CLRN1: variants seen among roughly 807,000 people sequenced by gnomAD.
CLRN1 encodes clarin 1, also known as clarin-1.
CLRN1 carries 15 observed loss-of-function variants against 18.7 expected under a neutral mutation model. That is an observed-to-expected ratio of 0.80 (90% CI 0.54 to 1.23). CLRN1 has a LOEUF of 1.23. Ranked by LOEUF, CLRN1 falls within the 50% of genes most tolerant of loss-of-function variation. The probability of loss-of-function intolerance (pLI) is 0.00; values close to 1 mark genes in which losing one functional copy is unlikely to be tolerated. For missense variants in CLRN1, 311 were observed against 277.5 expected (o/e 1.12, Z -0.86); for synonymous variants, 104 against 102.9 (o/e 1.01, Z -0.07).
chr3:150,947,222 G>GA (rs1381220202), intron 1 of CLRN1, among the ~76,000 whole-genome samples: 49 of 151,664 alleles, frequency 3.2e-4, no homozygotes, highest in African/African-American at 1.1e-3. Flanking sequence ...AATCTACCAA[G>GA]CAAACAGAAA....
intron 2 of CLRN1, among the ~76,000 whole-genome samples, chr3:150,936,991 T>A (rs956694480): frequency 6.6e-6 from 1 of 152,218 alleles, no homozygotes; most frequent in Non-Finnish European, 1.5e-5. Context: ...GCCAGATCTC[T>A]GCTATCTTTC....
intron 2 of CLRN1, among the ~76,000 whole-genome samples, chr3:150,941,178 C>CTATAT (rs140412500): frequency 7.5e-6 from 1 of 132,884 alleles, no homozygotes; most frequent in East Asian, 2.2e-4. Context: ...CTATCTCTTT[C>CTATAT]ATATATATAT....
At position 150,926,797 on chromosome 3, in the gene CLRN1, T is replaced by G; in HGVS notation, c.*1139A>C. 6.2e-7 allele frequency: 1 copy of G among 1,614,062 alleles called. No individual in the cohort carries two copies. Among genetic ancestry groups the G allele is most frequent in the East Asian group, 2.2e-5 (1 of 44,878 alleles). ...TTTGCTGTCATTCTCTGCTTTTTCC[T>G]TGGTGCTTTCTGGAGGACAGCAGGT... On this transcript the variant is annotated 3_prime_UTR_variant, in exon 3 of 3. Coordinates refer to ENST00000327047, the MANE Select transcript of CLRN1 (RefSeq NM_174878.3).
intron 1 of CLRN1, among the ~76,000 whole-genome samples, chr3:150,971,043 C>T (rs190717131): frequency 2.6e-5 from 4 of 152,340 alleles, no homozygotes; most frequent in East Asian, 3.9e-4. Flanking sequence ...AGAAAATTCA[C>T]CAGTACCTTC....
At chr3:150,965,526 A>G (rs942789381) in intron 1 of CLRN1, among the ~76,000 whole-genome samples, 7 of 152,166 alleles carry the variant, frequency 4.6e-5, no homozygotes, top group African/African-American at 1.7e-4. Context: ...AGACCCACCC[A>G]ATATTTTTTT....
At chr3:150,938,286 G>A (rs888007427) in intron 2 of CLRN1, among the ~76,000 whole-genome samples, 6 of 152,184 alleles carry the variant, frequency 3.9e-5, no homozygotes, top group East Asian at 1.9e-4. Flanking sequence ...AATGTGACTC[G>A]TACGTGAAAT....
At chr3:150,951,760 C>T (rs574968685) in intron 1 of CLRN1, among the ~76,000 whole-genome samples, 23 of 152,190 alleles carry the variant, frequency 1.5e-4, no homozygotes, top group Non-Finnish European at 2.9e-4. Flanking sequence ...GAAGGCAAAG[C>T]GGGAGCCAAC....
At chr3:150,941,856 A>G (rs1713866749) in intron 1 of CLRN1, 95 bp from the exon 2 acceptor site, 1 of 1,125,430 alleles carries the variant, frequency 8.9e-7, no homozygotes, top group Non-Finnish European at 1.3e-6. Context: ...TTTAATTTCA[A>G]ACATCACTAA....
chr3:150,933,913 T>C (rs1185804144), intron 2 of CLRN1, among the ~76,000 whole-genome samples: 2 of 152,202 alleles, frequency 1.3e-5, no homozygotes, highest in African/African-American at 4.8e-5. Flanking sequence ...ACTTCTCTTT[T>C]CCTTCTGTGG....
chr3:150,938,836 T>A (rs16863090), intron 2 of CLRN1, among the ~76,000 whole-genome samples: 32,328 of 152,172 alleles, frequency 0.21, 4,134 homozygotes, highest in East Asian at 0.4. Context: ...TCCTGATCAT[T>A]CCTGCATATA....
At chr3:150,943,643 TG>T (rs1713986432) in intron 1 of CLRN1, among the ~76,000 whole-genome samples, 1 of 152,234 alleles carries the variant, frequency 6.6e-6, no homozygotes. Flanking sequence ...GCACAAATTG[TG>T]GGTACCCAAA....
intron 1 of CLRN1, among the ~76,000 whole-genome samples, chr3:150,961,463 C>G: frequency 6.6e-6 from 1 of 152,280 alleles, no homozygotes; most frequent in East Asian, 1.9e-4. Flanking sequence ...GTTTCATCAA[C>G]CTTTTTGCCT....
chr3:150,949,399 G>C (rs1344813884), intron 1 of CLRN1, among the ~76,000 whole-genome samples: 4 of 152,174 alleles, frequency 2.6e-5, no homozygotes, highest in African/African-American at 4.8e-5. Context: ...ATCCAAGTAG[G>C]AAGAGAGGAA....
At chr3:150,969,946 T>C (rs1715454163) in intron 1 of CLRN1, among the ~76,000 whole-genome samples, 2 of 152,156 alleles carry the variant, frequency 1.3e-5, no homozygotes, top group African/African-American at 4.8e-5. Context: ...CACGAAGTGA[T>C]TGTTACCTTG....
chr3:150,943,766 T>A (rs1400831746), intron 1 of CLRN1: 3 of 1,612,910 alleles, frequency 1.9e-6, no homozygotes, highest in Non-Finnish European at 2.5e-6. Context: ...ATGGCAGAGC[T>A]ACGAGAGCAT....
At chr3:150,940,532 A>C in intron 2 of CLRN1, 1 of 1,534,408 alleles carries the variant, frequency 6.5e-7, no homozygotes, top group Non-Finnish European at 8.7e-7. Flanking sequence ...TCAGGAGAAA[A>C]AGAAACAGTC....
At chr3:150,951,711 G>A (rs1046492239) in intron 1 of CLRN1, among the ~76,000 whole-genome samples, 1 of 152,174 alleles carries the variant, frequency 6.6e-6, no homozygotes, top group Non-Finnish European at 1.5e-5. Flanking sequence ...GGCAGCATTA[G>A]CTTCTAGGGA....
In CLRN1 at chr3:150,927,960, A is replaced by G. The variant is rs1712913892; in HGVS notation, c.675T>C (p.Asn225=). 2 of 1,614,208 alleles carry G rather than the reference A, an allele frequency of 1.2e-6. No homozygotes were observed. The highest frequency in any genetic ancestry group is 1.7e-6 in the Non-Finnish European group (2 of 1,180,040). The stretch of plus-strand genomic sequence containing the variant: ...TTCAGTACATTAGATCTGCAGCTAC[A>G]TTAGTTGTTTCTGCGTCTTTAGATT... ...FAKSKDAETT[N]VAADLMY Residue 225 remains asparagine (N), a synonymous_variant, in exon 3 of 3, where the codon AAT becomes AAC. Coordinates refer to ENST00000327047, the MANE Select transcript of CLRN1 (RefSeq NM_174878.3).
intron 2 of CLRN1, among the ~76,000 whole-genome samples, chr3:150,935,497 G>C (rs1212967813): frequency 6.6e-6 from 1 of 151,578 alleles, no homozygotes. Context: ...TGGCTGCATA[G>C]TATTCCATGG....
Sources: gnomAD v4.1 joint callset for allele counts (sites outside exome capture counted in the v4.1 genomes callset) on GRCh38, gnomAD v4.1.1 for gene constraint, MANE v1.5 for transcripts, NCBI Gene and HGNC (gene_info 2026-07-23, HGNC 2026-07-21) for gene names.